The following DNAJC1 variants were observed in gnomAD, a reference collection of about 807,000 sequenced individuals.
DNAJC1 encodes the protein dnaJ homolog subfamily C member 1.
In DNAJC1, 58 loss-of-function variants were observed where a neutral mutation model predicts 76.6. That is an observed-to-expected ratio of 0.76 (90% confidence interval 0.61 to 0.94). The LOEUF (loss-of-function observed/expected upper bound fraction) is 0.94. DNAJC1 is among the 40% of genes least tolerant of loss of function. The pLI, the probability that DNAJC1 is intolerant of heterozygous loss-of-function variation, is 0.00. For synonymous variants in DNAJC1, 258 were observed against 267.9 expected, an observed-to-expected ratio of 0.96 and a Z score of 0.36; for missense variants, 689 against 677.3, an observed-to-expected ratio of 1.02 and a Z score of -0.19.
intron 10 of DNAJC1, among the ~76,000 whole-genome samples, chr10:21,760,672 A>C (rs956590679): frequency 1.3e-5 from 2 of 152,244 alleles, no homozygotes; most frequent in African/African-American, 4.8e-5. Context: ...AACTTTATTT[A>C]ATTCTAATTA....
intron 1 of DNAJC1, among the ~76,000 whole-genome samples, chr10:21,943,287 C>A (rs1376807672): frequency 6.6e-6 from 1 of 152,010 alleles, no homozygotes. Flanking sequence ...ATTAATAAAA[C>A]AGAAAAGGGA....
chr10:21,991,618 G>A (rs1396902194), intron 1 of DNAJC1, among the ~76,000 whole-genome samples: 3 of 152,092 alleles, frequency 2.0e-5, no homozygotes, highest in Non-Finnish European at 4.4e-5. Flanking sequence ...AATAGTCAGT[G>A]AAAAACAATA....
chr10:21,808,443 G>A (rs890673984), intron 8 of DNAJC1, among the ~76,000 whole-genome samples: 2 of 152,040 alleles, frequency 1.3e-5, no homozygotes, highest in African/African-American at 2.4e-5. Flanking sequence ...CTACTGCTAT[G>A]ACAGTCTTAA....
chr10:21,900,034 A>C (rs1410543847), intron 7 of DNAJC1, among the ~76,000 whole-genome samples: 1 of 152,138 alleles, frequency 6.6e-6, no homozygotes, highest in Non-Finnish European at 1.5e-5. Context: ...GCTACACAAA[A>C]TTTACTTTCA....
chr10:21,833,340 G>A lies in DNAJC1; in HGVS notation c.979-27241C>T, dbSNP rs183222721. Among the ~76,000 whole-genome samples the A allele has an allele frequency of 4.7e-3, 722 of 152,116 alleles. 3 individuals carry two copies. Among genetic ancestry groups the A allele is most frequent in the African/African-American group, 0.016 (684 of 41,494 alleles). The stretch of plus-strand genomic sequence containing the variant: ...CAAAAAATCAGCTGGGCATGGTGAC[G>A]GGCGCCTGTAATCCCAGCTATTTGG... On this transcript the variant is annotated intron_variant, in intron 8 of 11. Coordinates refer to ENST00000376980, the MANE Select transcript of DNAJC1 (RefSeq NM_022365.4).
intron 1 of DNAJC1, among the ~76,000 whole-genome samples, chr10:21,993,372 G>A (rs1461982982): frequency 6.6e-6 from 1 of 152,166 alleles, no homozygotes; most frequent in Non-Finnish European, 1.5e-5. Context: ...ACACACTGGA[G>A]GAAACTGTTA....
intron 1 of DNAJC1, among the ~76,000 whole-genome samples, chr10:21,930,914 A>C (rs1837210992): frequency 6.6e-6 from 1 of 152,212 alleles, no homozygotes; most frequent in Non-Finnish European, 1.5e-5. Flanking sequence ...AGTATATTTC[A>C]TACAAAATAA....
At position 21,813,094 on chromosome 10, in the gene DNAJC1, CACAT is replaced by C. The variant is rs1554887829; in HGVS notation, c.979-6999_979-6996del. Among the ~76,000 whole-genome samples the C allele has an allele frequency of 4.5e-5, 3 of 66,714 alleles. 1 individual carries two copies. Among genetic ancestry groups the C allele is most frequent in the African/African-American group, 1.7e-4 (3 of 18,178 alleles). 43.8% of individuals were successfully genotyped at this position (66,714 alleles called of 152,430 possible). A position where few individuals can be genotyped will look rare whatever the true frequency, so the allele number is the denominator to read the frequency against. ...ACATATATATACATATATACACACACACATATATATATATATATATATACAGCTT... is the reference window on the plus strand; with the variant it reads ...ACATATATATACATATATACACACACATATATATATATATATATACAGCTT... On this transcript the variant is annotated intron_variant, in intron 8 of 11. Coordinates refer to ENST00000376980, the MANE Select transcript of DNAJC1 (RefSeq NM_022365.4).
intron 7 of DNAJC1, among the ~76,000 whole-genome samples, chr10:21,895,031 A>AT (rs2131734952): frequency 6.6e-6 from 1 of 152,334 alleles, no homozygotes; most frequent in South Asian, 2.1e-4. Flanking sequence ...AGTCTCAGTT[A>AT]TTTTGTATAG....
chr10:21,813,899 T>C (rs1425531868), intron 8 of DNAJC1, among the ~76,000 whole-genome samples: 2 of 152,218 alleles, frequency 1.3e-5, no homozygotes, highest in African/African-American at 2.4e-5. Flanking sequence ...GCTGATACTC[T>C]AGCTACTGCT....
intron 1 of DNAJC1, among the ~76,000 whole-genome samples, chr10:21,936,100 G>A (rs998229397): frequency 2.6e-5 from 4 of 152,182 alleles, no homozygotes; most frequent in Admixed American, 6.5e-5. Context: ...CCCATGTGAT[G>A]GTATTAAGAG....
At chr10:21,952,904 A>T (rs995466680) in intron 1 of DNAJC1, among the ~76,000 whole-genome samples, 1 of 152,154 alleles carries the variant, frequency 6.6e-6, no homozygotes, top group African/African-American at 2.4e-5. Context: ...CTTTTTTTAA[A>T]TTCACCATAC....
intron 8 of DNAJC1, among the ~76,000 whole-genome samples, chr10:21,863,526 T>TA (rs958366345): frequency 3.3e-5 from 5 of 151,520 alleles, no homozygotes; most frequent in Admixed American, 1.3e-4. Flanking sequence ...TCACTGGACA[T>TA]AAAAAAAATA....
intron 9 of DNAJC1, among the ~76,000 whole-genome samples, chr10:21,796,623 TG>T (rs1283663813): frequency 1.3e-5 from 2 of 152,216 alleles, no homozygotes; most frequent in Admixed American, 6.5e-5. Context: ...GTTTTGTTTT[TG>T]TTTTTTTGAT....
At chr10:21,909,656 T>C (rs1836821714) in intron 6 of DNAJC1, among the ~76,000 whole-genome samples, 2 of 152,322 alleles carry the variant, frequency 1.3e-5, no homozygotes, top group Middle Eastern at 3.4e-3. Context: ...CTCTTAAGAT[T>C]AGGTGGGGTC....
rs999390116 is a variant in DNAJC1, at chr10:21,999,126, T to G, written c.222+4087A>C. Among the ~76,000 whole-genome samples, 21 of 152,172 alleles carry G rather than the reference T, an allele frequency of 1.4e-4. 1 individual carries two copies. Among genetic ancestry groups the G allele is most frequent in the Non-Finnish European group, 4.4e-5 (3 of 68,028 alleles). ...TGCCTTCTAGTTTAGGATATGGATA[T>G]CTCAAAAGAATGTTCTATATTAATT... On this transcript the variant is annotated intron_variant, in intron 1 of 11. Transcript: ENST00000376980.
At chr10:21,870,188 T>A (rs1836079655) in intron 8 of DNAJC1, among the ~76,000 whole-genome samples, 1 of 151,884 alleles carries the variant, frequency 6.6e-6, no homozygotes, top group Non-Finnish European at 1.5e-5. Flanking sequence ...AAAACAAAGG[T>A]GAAAAATCAC....
intron 9 of DNAJC1, among the ~76,000 whole-genome samples, chr10:21,788,584 C>T (rs1270794075): frequency 1.3e-5 from 2 of 152,188 alleles, no homozygotes; most frequent in Non-Finnish European, 2.9e-5. Flanking sequence ...TTCTGCCCCT[C>T]ATGGCCCAAA....
At position 21,781,718 on chromosome 10, in the gene DNAJC1, C is replaced by CAAA. The variant is rs1298897674; in HGVS notation, c.1099-15412_1099-15410dup. ...CCTGGGTGACAGAGTGCGACTGTCT[C>CAAA]AAAAAAAAAAAAAAAAAAAAGAAAC... On this transcript the variant is annotated intron_variant, in intron 9 of 11. Transcript: ENST00000376980. Among the ~76,000 whole-genome samples the CAAA allele has an allele frequency of 4.1e-4, 36 of 87,084 alleles. 1 individual carries two copies. The highest frequency in any genetic ancestry group is 9.5e-4 in the South Asian group (2 of 2,106). 57.1% of individuals were successfully genotyped at this position (87,084 alleles called of 152,430 possible). A position where few individuals can be genotyped will look rare whatever the true frequency, so the allele number is the denominator to read the frequency against.
Sources: allele counts gnomAD v4.1 joint callset (sites outside exome capture counted in the v4.1 genomes callset), GRCh38; gene constraint gnomAD v4.1.1; transcripts MANE v1.5; gene names NCBI Gene and HGNC (gene_info 2026-07-23, HGNC 2026-07-21).